AFM: variants seen among roughly 807,000 people sequenced by gnomAD.
The protein encoded by AFM is afamin, also known as alpha-Alb.
In AFM, 82 loss-of-function variants were observed where a neutral mutation model predicts 68.7. The ratio of observed to expected loss-of-function variants is 1.19; its 90% CI spans 1.00 to 1.43. AFM has a LOEUF of 1.43. Ranked by LOEUF, AFM falls within the 40% of genes most tolerant of loss-of-function variation. AFM has a pLI of 0.00. For synonymous variants in AFM, 250 were observed against 234.2 expected (o/e 1.07, Z -0.61); for missense variants, 772 against 701.8 (o/e 1.10, Z -1.13).
At chr4:73,499,798 CT>C (rs1314680957) in intron 11 of AFM, among the ~76,000 whole-genome samples, 4 of 152,006 alleles carry the variant, frequency 2.6e-5, no homozygotes, top group African/African-American at 9.7e-5. Flanking sequence ...CATCTAAATT[CT>C]TATGGCTTGG....
intron 6 of AFM, among the ~76,000 whole-genome samples, chr4:73,488,329 A>AGT (rs1720968024): frequency 2.6e-5 from 4 of 152,198 alleles, no homozygotes; most frequent in Non-Finnish European, 5.9e-5. Flanking sequence ...ATGAGCTTAC[A>AGT]ATAGGAAGTG....
intron 12 of AFM, 92 bp downstream of exon 12, chr4:73,500,319 G>A: frequency 1.8e-6 from 2 of 1,099,506 alleles, no homozygotes; most frequent in Non-Finnish European, 2.6e-6. Flanking sequence ...ATGTCTTTTT[G>A]ATATCACAAT....
chr4:73,487,018 T>G lies in AFM; in HGVS notation c.534T>G (p.Leu178=), dbSNP rs770629114. Residue 178 remains leucine, a synonymous_variant, in exon 5 of 15, where the codon CTT becomes CTG. Transcript: ENST00000226355. ...ACCCATTTGTCTTCGCCCCTACACT[T>G]CTAACTGTTGCTGTTCATTTTGAGG... The part of the protein sequence containing the change: ...RRNPFVFAPT[L]LTVAVHFEEV... 1 of 1,614,024 alleles carries G rather than the reference T, an allele frequency of 6.2e-7. No homozygotes were observed. Among genetic ancestry groups the G allele is most frequent in the Non-Finnish European group, 8.5e-7 (1 of 1,179,968 alleles).
chr4:73,494,930 C>A (rs147735505), intron 8 of AFM, among the ~76,000 whole-genome samples: 168 of 152,344 alleles, frequency 1.1e-3, no homozygotes, highest in African/African-American at 3.6e-3. Context: ...CCCAGCATGT[C>A]AAGTTGGAAA....
rs778277656 is a variant in AFM at position 73,503,089 on chromosome 4, T to C, written c.*19T>C. 16 of 1,612,634 alleles carry C rather than the reference T, an allele frequency of 9.9e-6. No homozygotes were observed. In the Admixed American group the frequency reaches 1.2e-4, roughly 12 times the overall value. On this transcript the variant is annotated 3_prime_UTR_variant, in exon 14 of 15. Transcript: ENST00000226355. ...CAACTGAAGCCAGCTGCTGGAGATA[T>C]GTAAAGAAAAAAGCACCAAAGGTAA... is the stretch of plus-strand genomic sequence containing the variant.
Position 73,497,752 on chromosome 4 carries a change from A to T in AFM, c.1289+3A>T. 6.4e-7 allele frequency: 1 copy of T among 1,572,638 alleles called. No individual in the cohort carries two copies. The highest frequency in any genetic ancestry group is 8.7e-7 in the Non-Finnish European group (1 of 1,148,580). ...GGGAAGGATGGTTTGAAATACCAGT[A>T]TGTTGTTTGCACAAGTGGGCTAACA... On this transcript the variant is annotated splice_donor_region_variant and intron_variant, in intron 10 of 14. Transcript: ENST00000226355.
Position 73,497,732 on chromosome 4 carries a change from G to C in AFM, c.1272G>C (p.Lys424Asn). The C allele has an allele frequency of 1.9e-6, 3 of 1,603,042 alleles. No homozygotes were observed. The highest frequency in any genetic ancestry group is 2.6e-6 in the Non-Finnish European group (3 of 1,173,416). The change falls in exon 10 of 15, where the codon AAG becomes AAC. Residue 424 changes from lysine to asparagine, a missense_variant. Coordinates refer to ENST00000226355, the MANE Select transcript of AFM (RefSeq NM_001133.2). ...GTAAACATTTCCAGAATTTGGGGAA[G>C]GATGGTTTGAAATACCAGTATGTTG... is the stretch of plus-strand genomic sequence containing the variant. ...QECKHFQNLGKDGLKYHYLIR... is the reference protein window; with the variant it reads ...QECKHFQNLGNDGLKYHYLIR...
At chr4:73,495,570 A>C in intron 9 of AFM, 138 bp downstream of exon 9, 1 of 1,115,934 alleles carries the variant, frequency 9.0e-7, no homozygotes, top group Non-Finnish European at 1.3e-6. Context: ...GATTCAGCCT[A>C]AGAAGATTAT....
Position 73,487,093 on chromosome 4 carries a change from A to T in AFM, c.609A>T (p.Gln203His). ...AACAAAACAAAGTCAACTGCCTTCA[A>T]ACAAGGGTGGGTATAGCATTTGTTC... The part of the protein sequence containing the change: ...CEEQNKVNCL[Q>H]TRAIPVTQYL... Residue 203 changes from glutamine (Q) to histidine (H), a missense_variant, in exon 5 of 15, where the codon CAA (glutamine) becomes CAT (histidine). By Grantham distance (24) the Gln-to-His change is conservative (BLOSUM62 0). Transcript: ENST00000226355. 2 of 1,613,974 alleles carry T rather than the reference A, an allele frequency of 1.2e-6. No homozygotes were observed.
At chr4:73,503,259 C>T (rs757698141) in intron 14 of AFM, 149 bp downstream of exon 14, 12 of 641,228 alleles carry the variant, frequency 1.9e-5, no homozygotes, top group Non-Finnish European at 3.3e-5. Context: ...CGATATTGTT[C>T]CTGTGTTTTT....
intron 1 of AFM, among the ~76,000 whole-genome samples, chr4:73,483,362 G>A (rs146665268): frequency 2.0e-5 from 3 of 152,326 alleles, no homozygotes; most frequent in Non-Finnish European, 4.4e-5. Flanking sequence ...ATTGTTGATT[G>A]CTTCACAGGG....
chr4:73,497,235 T>G (rs1721281622), intron 9 of AFM, among the ~76,000 whole-genome samples: 1 of 152,216 alleles, frequency 6.6e-6, no homozygotes, highest in Non-Finnish European at 1.5e-5. Flanking sequence ...TAAAATGTTC[T>G]GTAACAACAC....
At chr4:73,484,729 G>A (rs1282522339) in intron 3 of AFM, among the ~76,000 whole-genome samples, 8 of 151,734 alleles carry the variant, frequency 5.3e-5, no homozygotes, top group Admixed American at 4.6e-4. Context: ...TAGAGATGAG[G>A]TTTTGCCATG....
chr4:73,486,641 A>T (rs545369869), intron 4 of AFM, among the ~76,000 whole-genome samples: 3 of 152,338 alleles, frequency 2.0e-5, no homozygotes, highest in African/African-American at 7.2e-5. Context: ...TAGCATGTGG[A>T]TGGAAGGACA....
chr4:73,485,469 A>G (rs1720864124), intron 3 of AFM, among the ~76,000 whole-genome samples: 2 of 152,030 alleles, frequency 1.3e-5, no homozygotes, highest in Admixed American at 6.6e-5. Flanking sequence ...CTGGAGGATC[A>G]CTTGAGCCCA....
rs983209959 is a variant in AFM, at chr4:73,492,145, CTT to C, written c.1058+62_1058+63del. On this transcript the variant is annotated intron_variant, in intron 8 of 14. Coordinates refer to ENST00000226355, the MANE Select transcript of AFM (RefSeq NM_001133.2). ...ACAGAAAGAAACTTATAAGATTTGACTTTTGTTGCTAATTTAGGTGGAAGGAC... is the reference window on the plus strand; with the variant it reads ...ACAGAAAGAAACTTATAAGATTTGACTTGTTGCTAATTTAGGTGGAAGGAC... 70 of 1,471,524 alleles carry C rather than the reference CTT, an allele frequency of 4.8e-5. No homozygotes were observed. In the African/African-American group the frequency reaches 9.3e-4, roughly 20 times the overall value. 91.2% of individuals were successfully genotyped at this position (1,471,524 alleles called of 1,614,324 possible).
chr4:73,488,835 T>C, intron 7 of AFM, 76 bp downstream of exon 7: 1 of 1,426,638 alleles, frequency 7.0e-7, no homozygotes, highest in Non-Finnish European at 9.6e-7. Flanking sequence ...GTTGCCCTGA[T>C]ATGTGGTTAC....
In AFM at chr4:73,484,267, T is replaced by G; in HGVS notation, c.147T>G (p.Ile49Met). The G allele has an allele frequency of 6.2e-7, 1 of 1,608,992 alleles. No individual in the cohort carries two copies. The highest frequency in any genetic ancestry group is 8.5e-7 in the Non-Finnish European group (1 of 1,178,644). ...ATGTGAACTGTTGCAGCACCATCAT[T>G]GCATTTGCTCAGTATGTTCAGGAAG... ...IEDNIEYITIIAFAQYVQEAT... is the reference protein window; with the variant it reads ...IEDNIEYITIMAFAQYVQEAT... The change falls in exon 3 of 15, where the codon ATT becomes ATG. Residue 49 changes from isoleucine (I) to methionine (M), a missense_variant. Ile to Met is a conservative substitution (Grantham distance 10). Coordinates refer to ENST00000226355, the MANE Select transcript of AFM (RefSeq NM_001133.2).
rs755072696 is a variant in AFM at position 73,481,792 on chromosome 4, T to G, written c.17T>G (p.Leu6Arg). 1.2e-6 allele frequency: 2 copies of G among 1,601,232 alleles called. No homozygotes were observed. The highest frequency in any genetic ancestry group is 1.7e-6 in the Non-Finnish European group (2 of 1,171,848). The part of the protein sequence containing the change: MKLLK[L>R]TGFIFFLFFL... ...TCTACAAAGATGAAACTACTAAAACTTACAGGTTTTATTTTTTTCTTGTTT... is the reference window on the plus strand; with the variant it reads ...TCTACAAAGATGAAACTACTAAAACGTACAGGTTTTATTTTTTTCTTGTTT... The change falls in exon 1 of 15, where the codon CTT (leucine) becomes CGT (arginine). Residue 6 changes from leucine to arginine, a missense_variant. Transcript: ENST00000226355.
Sources: allele counts gnomAD v4.1 joint callset (sites outside exome capture counted in the v4.1 genomes callset), GRCh38; gene constraint gnomAD v4.1.1; transcripts MANE v1.5; gene names NCBI Gene and HGNC (gene_info 2026-07-23, HGNC 2026-07-21).